ENY2: variants seen among roughly 807,000 people sequenced by gnomAD.
ENY2 encodes the protein transcription and mRNA export factor ENY2.
ENY2 carries 4 observed loss-of-function variants against 15.9 expected under a neutral mutation model. That is an observed-to-expected ratio of 0.25 (90% confidence interval 0.12 to 0.57). The LOEUF is 0.57. Ranked by LOEUF, ENY2 falls within the 20% of genes least tolerant of loss-of-function variation. The pLI is 0.91. For missense variants in ENY2, 54 were observed against 117.2 expected (o/e 0.46, Z 2.49); for synonymous variants, 48 against 38.0 (o/e 1.26, Z -0.97).
chr8:109,336,507 C>T lies in ENY2; in HGVS notation c.83+303C>T, dbSNP rs191754604. 2.3e-3 allele frequency: 541 copies of T among 237,522 alleles called. 5 individuals carry two copies. The highest frequency in any genetic ancestry group is 0.011 in the African/African-American group (508 of 44,280). The allele number at this position is 237,522 out of a possible 1,614,324, so 14.7% of individuals were successfully genotyped here. ...TGTTACCTGGGTTTTAACAGGGAGA[C>T]AATGTTGTGGAACCAGCTTCATTTA... On this transcript the variant is annotated intron_variant, in intron 2 of 4. Coordinates refer to ENST00000521688, the MANE Select transcript of ENY2 (RefSeq NM_020189.6).
At chr8:109,335,926 A>G (rs1320800357) in intron 1 of ENY2, 18 of 392,248 alleles carry the variant, frequency 4.6e-5, no homozygotes, top group Non-Finnish European at 7.7e-5. Flanking sequence ...TGTGATGTTT[A>G]AAAAAAAGCA....
At chr8:109,335,361 T>C (rs1036475311) in intron 1 of ENY2, 10 of 132,310 alleles carry the variant, frequency 7.6e-5, no homozygotes, top group African/African-American at 2.9e-4. Flanking sequence ...TTTGATTAAT[T>C]AATTTTTTTT....
At chr8:109,341,697 T>C (rs1156692574) in intron 4 of ENY2, among the ~76,000 whole-genome samples, 2 of 152,172 alleles carry the variant, frequency 1.3e-5, no homozygotes, top group South Asian at 2.1e-4. Context: ...GATATTTTAA[T>C]TTATGTTCTT....
chr8:109,335,004 G>T (rs1237992171), intron 1 of ENY2: 1 of 152,732 alleles, frequency 6.5e-6, no homozygotes, highest in East Asian at 1.9e-4. Flanking sequence ...CAATAGGCCA[G>T]ATGGAAGACA....
rs1019855099 is a variant in ENY2 at position 109,345,848 on chromosome 8, C to T, written c.*2367C>T. The T allele has an allele frequency of 6.6e-6, 1 of 152,094 alleles. No individual in the cohort carries two copies. Among genetic ancestry groups the T allele is most frequent in the Non-Finnish European group, 1.5e-5 (1 of 68,014 alleles). 9.4% of individuals were successfully genotyped at this position (152,094 alleles called of 1,614,324 possible). A position where few individuals can be genotyped will look rare whatever the true frequency, so the allele number is the denominator to read the frequency against. ...CTTTAAAATGATAGTGCTGAGAACT[C>T]CCCACCTCTACCCCACCACCTGTAG... On this transcript the variant is annotated 3_prime_UTR_variant, in exon 5 of 5. Transcript: ENST00000521688.
rs931712296 is a variant in ENY2 at position 109,343,549 on chromosome 8, A to G, written c.*68A>G. 56 of 1,413,886 alleles carry G rather than the reference A, an allele frequency of 4.0e-5. No individual in the cohort carries two copies. Among genetic ancestry groups the G allele is most frequent in the South Asian group, 1.5e-4 (12 of 80,796 alleles). 87.6% of individuals were successfully genotyped at this position (1,413,886 alleles called of 1,614,324 possible). The stretch of plus-strand genomic sequence containing the variant: ...AAAACTTGCCATAAATTAGAAAACA[A>G]TTTCCCAAAATAAAATCCTTTTTTG... On this transcript the variant is annotated 3_prime_UTR_variant, in exon 5 of 5. Coordinates refer to ENST00000521688, the MANE Select transcript of ENY2 (RefSeq NM_020189.6).
chr8:109,340,855 G>A (rs1816095914), intron 4 of ENY2: 2 of 255,612 alleles, frequency 7.8e-6, no homozygotes, highest in African/African-American at 2.3e-5. Context: ...ACTACATGAA[G>A]CTAGGATTTA....
intron 1 of ENY2, chr8:109,335,868 G>C (rs953003871): frequency 5.8e-5 from 15 of 259,210 alleles, no homozygotes; most frequent in African/African-American, 3.3e-4. Flanking sequence ...GTAAAATACA[G>C]ATTATTTTAT....
intron 2 of ENY2, chr8:109,338,692 A>G (rs34824085): frequency 0.12 from 18,504 of 152,244 alleles, 1,433 homozygotes; most frequent in Non-Finnish European, 0.17. Context: ...CATTAGTTGC[A>G]TATACACTGC....
At chr8:109,337,776 G>A (rs956011395) in intron 2 of ENY2, among the ~76,000 whole-genome samples, 2 of 152,132 alleles carry the variant, frequency 1.3e-5, no homozygotes, top group African/African-American at 4.8e-5. Flanking sequence ...GTGATGGGCT[G>A]TAGTCCCAGC....
intron 4 of ENY2, 139 bp from the exon 5 acceptor site, chr8:109,343,266 C>T (rs927942496): frequency 4.8e-5 from 29 of 604,752 alleles, no homozygotes; most frequent in African/African-American, 4.7e-4. Context: ...TGTCAGATAA[C>T]TTTACCTTTT....
intron 4 of ENY2, among the ~76,000 whole-genome samples, chr8:109,341,062 TC>T (rs1053244603): frequency 6.6e-6 from 1 of 152,164 alleles, no homozygotes; most frequent in African/African-American, 2.4e-5. Context: ...GCAACCACCT[TC>T]TTAATTTCAA....
At chr8:109,339,128 T>G in intron 2 of ENY2, 192 bp from the exon 3 acceptor site, 1 of 579,120 alleles carries the variant, frequency 1.7e-6, no homozygotes, top group Admixed American at 3.1e-5. Flanking sequence ...CCAGATGAAA[T>G]GAAAGGCCTA....
At chr8:109,342,593 G>T (rs1443152665) in intron 4 of ENY2, 4 of 623,226 alleles carry the variant, frequency 6.4e-6, no homozygotes, top group Non-Finnish European at 1.2e-5. Flanking sequence ...CACTAGCCCG[G>T]ATCTCCCAGG....
In ENY2 at chr8:109,343,444, G is replaced by A. The variant is rs1415535858; in HGVS notation, c.269G>A (p.Arg90Lys). The A allele has an allele frequency of 6.2e-7, 1 of 1,612,764 alleles. No homozygotes were observed. The highest frequency in any genetic ancestry group is 1.3e-5 in the African/African-American group (1 of 74,856). The part of the protein sequence containing the change: ...PDSVKKELLQ[R>K]IRTFLAQHAS... ...AGTGTAAAGAAGGAGCTCCTACAAA[G>A]AATAAGAACATTCCTTGCTCAGCAT... The change falls in exon 5 of 5, where the codon AGA (arginine) becomes AAA (lysine). Residue 90 changes from arginine (R) to lysine (K), a missense_variant. Physicochemically the swap from Arg to Lys is conservative, Grantham distance 26. Coordinates refer to ENST00000521688, the MANE Select transcript of ENY2 (RefSeq NM_020189.6).
chr8:109,343,572 T>C lies in ENY2; in HGVS notation c.*91T>C. ...CAATTTCCCAAAATAAAATCCTTTT[T>C]TGTATGATGGTATACAGTTTTCAGT... On this transcript the variant is annotated 3_prime_UTR_variant, in exon 5 of 5. Transcript: ENST00000521688. 1 of 1,191,136 alleles carries C rather than the reference T, an allele frequency of 8.4e-7. No individual in the cohort carries two copies. The highest frequency in any genetic ancestry group is 1.4e-5 in the South Asian group (1 of 71,662). The allele number at this position is 1,191,136 out of a possible 1,614,324, so 73.8% of individuals were successfully genotyped here.
In ENY2 at chr8:109,336,145, A is replaced by C; in HGVS notation, c.24A>C (p.Lys8Asn). 1 of 1,613,604 alleles carries C rather than the reference A, an allele frequency of 6.2e-7. No individual in the cohort carries two copies. Among genetic ancestry groups the C allele is most frequent in the South Asian group, 1.1e-5 (1 of 91,038 alleles). MVVSKMN[K>N]DAQMRAAINQ... ...ATGTCCAGGTTAGCAAGATGAACAA[A>C]GATGCGCAGATGAGAGCAGCGATTA... The change falls in exon 2 of 5, where the codon AAA (lysine) becomes AAC (asparagine). Residue 8 changes from lysine to asparagine, a missense_variant. By Grantham distance (94) the Lys-to-Asn change is moderately conservative. Coordinates refer to ENST00000521688, the MANE Select transcript of ENY2 (RefSeq NM_020189.6).
rs947284789 is a variant in ENY2, at chr8:109,339,567, G to T, written c.154+177G>T. 11 of 498,432 alleles carry T rather than the reference G, an allele frequency of 2.2e-5. No individual in the cohort carries two copies. The Admixed American group carries it at 3.8e-4, about 17-fold the overall frequency. The allele number at this position is 498,432 out of a possible 1,614,324, so 30.9% of individuals were successfully genotyped here. A position where few individuals can be genotyped will look rare whatever the true frequency, so the allele number is the denominator to read the frequency against. ...TGTAGACCTAATTCCCAAATTTTTA[G>T]AAATTTTCTGTTTCTGTTAAGCGTG... On this transcript the variant is annotated intron_variant, in intron 3 of 4. Coordinates refer to ENST00000521688, the MANE Select transcript of ENY2 (RefSeq NM_020189.6).
Position 109,342,614 on chromosome 8 carries a change from C to A in ENY2, c.230-791C>A, listed in dbSNP as rs1816146540. On this transcript the variant is annotated intron_variant, in intron 4 of 4. Coordinates refer to ENST00000521688, the MANE Select transcript of ENY2 (RefSeq NM_020189.6). ...CCCGGATCTCCCAGGCTTAAGTGAT[C>A]CTTCTCCCTCAGCTTCCCGAGTAGC... 1.1e-4 allele frequency: 71 copies of A among 652,940 alleles called. 2 individuals are homozygous for A. In the South Asian group the frequency reaches 1.2e-3, roughly 11 times the overall value. The allele number at this position is 652,940 out of a possible 1,614,324, so 40.4% of individuals were successfully genotyped here. A position where few individuals can be genotyped will look rare whatever the true frequency, so the allele number is the denominator to read the frequency against.
Sources: gnomAD v4.1 joint callset for allele counts (sites outside exome capture counted in the v4.1 genomes callset) on GRCh38, gnomAD v4.1.1 for gene constraint, MANE v1.5 for transcripts, NCBI Gene and HGNC (gene_info 2026-07-23, HGNC 2026-07-21) for gene names.